Variants in TUBE1 observed in about 807,000 individuals in gnomAD.
TUBE1 encodes the protein tubulin epsilon 1.
TUBE1 carries 34 observed loss-of-function variants against 53.5 expected under a neutral mutation model. The observed-to-expected ratio is 0.64, with a 90% CI of 0.48 to 0.85. The LOEUF is 0.85. TUBE1 is among the 40% of genes least tolerant of loss of function. The pLI, the probability that TUBE1 is intolerant of heterozygous loss-of-function variation, is 0.00. For missense variants in TUBE1, 532 were observed against 570.5 expected (o/e 0.93, Z 0.69); for synonymous variants, 177 against 198.4 (o/e 0.89, Z 0.91).
intron 6 of TUBE1, 142 bp from the exon 7 acceptor site, chr6:112,076,651 C>A (rs1489655968): frequency 6.6e-6 from 4 of 607,732 alleles, no homozygotes; most frequent in Non-Finnish European, 1.1e-5. Context: ...CTCAATGCAG[C>A]CTTGACCTCC....
At chr6:112,086,819 A>G (rs191172619) in intron 2 of TUBE1, 37 of 531,394 alleles carry the variant, frequency 7.0e-5, no homozygotes, top group Admixed American at 5.7e-4. Flanking sequence ...AGGGGGTGCT[A>G]AAGAAAGGAT....
intron 4 of TUBE1, 43 bp from the exon 5 acceptor site, chr6:112,081,250 G>A: frequency 8.9e-7 from 1 of 1,123,128 alleles, no homozygotes; most frequent in East Asian, 2.5e-5. Context: ...TTTTCTTTTA[G>A]AGTTATTCAC....
At chr6:112,073,318 GTATAT>G (rs782085468) in intron 9 of TUBE1, among the ~76,000 whole-genome samples, 1 of 152,032 alleles carries the variant, frequency 6.6e-6, no homozygotes, top group African/African-American at 2.4e-5. Context: ...ACTTTGTAAA[GTATAT>G]TATATCATAA....
In TUBE1 at chr6:112,078,935, AGT is replaced by A. The variant is rs1407946905; in HGVS notation, c.448+696_448+697del. On this transcript the variant is annotated intron_variant, in intron 6 of 11. Coordinates refer to ENST00000368662, the MANE Select transcript of TUBE1 (RefSeq NM_016262.5). ...TCTTAATCTCAGGTTGGAGGAAAAA[AGT>A]GTGACCATTTTGTTCTTTTAAAATT... 3.3e-5 allele frequency among the ~76,000 whole-genome samples: 5 copies of A among 152,238 alleles called. No homozygotes were observed. The East Asian group carries it at 9.6e-4, about 29-fold the overall frequency.
In TUBE1 at chr6:112,086,582, G is replaced by C; in HGVS notation, c.126C>G (p.Ser42Arg). 1 of 1,612,566 alleles carries C rather than the reference G, an allele frequency of 6.2e-7. No individual in the cohort carries two copies. Among genetic ancestry groups the C allele is most frequent in the Non-Finnish European group, 8.5e-7 (1 of 1,178,856 alleles). The change falls in exon 3 of 12, where the codon AGC becomes AGG. Residue 42 changes from serine to arginine, a missense_variant. Coordinates refer to ENST00000368662, the MANE Select transcript of TUBE1 (RefSeq NM_016262.5). ...NQKGIYDEAISSFFRNVDTRV... is the reference protein window; with the variant it reads ...NQKGIYDEAIRSFFRNVDTRV... ...TGGTGTCCACATTTCTAAAGAAGCTGCTTATTGCCTCATCATAAATTCCTT... is the reference window on the plus strand; with the variant it reads ...TGGTGTCCACATTTCTAAAGAAGCTCCTTATTGCCTCATCATAAATTCCTT...
intron 4 of TUBE1, among the ~76,000 whole-genome samples, chr6:112,082,449 T>C (rs782419557): frequency 1.3e-5 from 2 of 152,316 alleles, no homozygotes; most frequent in East Asian, 3.9e-4. Context: ...ATAGATTTAT[T>C]GAGGTATGTG....
At chr6:112,079,429 AAAAAAAAG>A in intron 6 of TUBE1, 196 bp downstream of exon 6, 1 of 424,896 alleles carries the variant, frequency 2.4e-6, no homozygotes, top group Non-Finnish European at 4.0e-6. Context: ...ATTAAAAAAA[AAAAAAAAG>A]AAAAGAAAAG....
chr6:112,083,393 C>T (rs1777100505), intron 4 of TUBE1, among the ~76,000 whole-genome samples: 1 of 150,964 alleles, frequency 6.6e-6, no homozygotes, highest in Admixed American at 6.6e-5. Context: ...TCTCGGCTCA[C>T]TGCAGGCTCT....
In TUBE1 at chr6:112,076,362, AGTTCC is replaced by A; in HGVS notation, c.591_595del (p.Lys197AsnfsTer2). On this transcript the variant is annotated frameshift_variant, in exon 7 of 12. Transcript: ENST00000368662. LOFTEE classifies it high-confidence loss of function. The stretch of plus-strand genomic sequence containing the variant: ...CAATACACAGTCTGCATGCTCATTA[AGTTCC>A]TTCATTGCCAAGATGCTATTATAAG... 6.2e-7 allele frequency: 1 copy of A among 1,604,906 alleles called. No homozygotes were observed. The highest frequency in any genetic ancestry group is 8.5e-7 in the Non-Finnish European group (1 of 1,176,706).
At chr6:112,087,371 CCGCGG>C in intron 1 of TUBE1, 34 bp downstream of exon 1, 1 of 1,551,356 alleles carries the variant, frequency 6.4e-7, no homozygotes, top group Non-Finnish European at 8.7e-7. Context: ...CCGCTGGATT[CCGCGG>C]CGACCAGGTC....
chr6:112,081,899 C>G (rs17073304), intron 4 of TUBE1, among the ~76,000 whole-genome samples: 3,270 of 151,594 alleles, frequency 0.022, 118 homozygotes, highest in African/African-American at 0.076. Context: ...CCTCCCACTT[C>G]CCTTACTTTC....
chr6:112,072,974 C>T (rs1776895698), intron 9 of TUBE1, 76 bp from the exon 10 acceptor site: 41 of 1,408,740 alleles, frequency 2.9e-5, no homozygotes, highest in Non-Finnish European at 3.9e-5. Context: ...GAAGATAGTC[C>T]TCTATAAGTA....
chr6:112,075,747 A>C (rs1365185916), intron 8 of TUBE1, 190 bp downstream of exon 8: 6 of 505,666 alleles, frequency 1.2e-5, no homozygotes, highest in African/African-American at 3.9e-5. Flanking sequence ...CATGGAACAT[A>C]CTTGGGGAAA....
intron 9 of TUBE1, 93 bp from the exon 10 acceptor site, chr6:112,072,991 C>A: frequency 9.0e-7 from 1 of 1,112,508 alleles, no homozygotes; most frequent in Non-Finnish European, 1.3e-6. Flanking sequence ...AGTAAGAAAC[C>A]ACACTAAATA....
chr6:112,081,197 A>G lies in TUBE1; in HGVS notation c.221T>C (p.Ile74Thr). 1.3e-6 allele frequency: 2 copies of G among 1,577,462 alleles called. No homozygotes were observed. Among genetic ancestry groups the G allele is most frequent in the Non-Finnish European group, 8.7e-7 (1 of 1,152,150 alleles). Reference protein sequence around the residue: ...ICSLKARAVLIDMEEGVVNEI... With the variant: ...ICSLKARAVLTDMEEGVVNEI... Reference sequence around the variant, plus strand: ...ATTCACTACCCCTTCTTCCATATCAATCAAGACTGCCTGAGAAAGAAAAAT... The same window carrying G: ...ATTCACTACCCCTTCTTCCATATCAGTCAAGACTGCCTGAGAAAGAAAAAT... The change falls in exon 5 of 12, where the codon ATT becomes ACT. Residue 74 changes from isoleucine to threonine, a missense_variant. Transcript: ENST00000368662.
Position 112,087,424 on chromosome 6 carries a change from G to T in TUBE1, c.11C>A (p.Ser4Ter), listed in dbSNP as rs782014165. The T allele has an allele frequency of 7.7e-6, 12 of 1,551,320 alleles. No homozygotes were observed. The highest frequency in any genetic ancestry group is 1.0e-5 in the Non-Finnish European group (12 of 1,146,894). Residue 4 changes from serine (S) to a stop codon, truncating the protein, a stop_gained, in exon 1 of 12, where the codon TCG becomes TAG. Transcript: ENST00000368662. LOFTEE classifies it high-confidence loss of function. MTQ[S>*]VVVQVGQCGN... is the part of the protein sequence containing the mutation. ...GCGTAGCTTACCCTGTACGACCACC[G>T]ACTGGGTCATGGTGGTGCGCCGCCG...
intron 11 of TUBE1, 62 bp from the exon 12 acceptor site, chr6:112,071,632 CTAAAAGG>C: frequency 7.6e-7 from 1 of 1,318,360 alleles, no homozygotes; most frequent in Non-Finnish European, 1.0e-6. Context: ...TAAGACTATC[CTAAAAGG>C]TAAATATTCC....
chr6:112,071,840 T>C, intron 11 of TUBE1, 62 bp downstream of exon 11: 1 of 1,469,492 alleles, frequency 6.8e-7, no homozygotes, highest in South Asian at 1.4e-5. Context: ...GTGTAATTTT[T>C]AAGAATACAT....
intron 4 of TUBE1, among the ~76,000 whole-genome samples, chr6:112,083,518 C>A (rs1777103526): frequency 6.6e-6 from 1 of 152,038 alleles, no homozygotes; most frequent in Non-Finnish European, 1.5e-5. Context: ...CGGGGTTTCA[C>A]CATGTTAGCC....
Sources: gnomAD v4.1 joint callset for allele counts (sites outside exome capture counted in the v4.1 genomes callset) on GRCh38, gnomAD v4.1.1 for gene constraint, MANE v1.5 for transcripts, NCBI Gene and HGNC (gene_info 2026-07-23, HGNC 2026-07-21) for gene names.